The following SLC36A1 variants were observed in gnomAD, a reference collection of about 807,000 sequenced individuals.
The protein encoded by SLC36A1 is solute carrier family 36 member 1.
Under a neutral mutation model 47.5 loss-of-function variants are expected in SLC36A1, and 30 were observed. That is an observed-to-expected ratio of 0.63 (90% confidence interval 0.47 to 0.86). The LOEUF is 0.86. SLC36A1 is among the 40% of genes least tolerant of loss of function. The probability of loss-of-function intolerance (pLI) is 0.00; values close to 1 mark genes in which losing one functional copy is unlikely to be tolerated. For synonymous variants in SLC36A1, 255 were observed against 249.7 expected, an observed-to-expected ratio of 1.02 and a Z score of -0.20; for missense variants, 517 against 606.0, an observed-to-expected ratio of 0.85 and a Z score of 1.54.
the SLC36A1 span, chr5:151,521,655 G>A: frequency 1.2e-6 from 2 of 1,614,090 alleles, no homozygotes; most frequent in South Asian, 1.1e-5. Flanking sequence ...TCCGCCAGTG[G>A]TCACTCACCA....
chr5:151,537,669 C>T, the SLC36A1 span: 1 of 925,982 alleles, frequency 1.1e-6, no homozygotes, highest in Non-Finnish European at 1.6e-6. Context: ...CACATAGGGC[C>T]AATATATGTT....
chr5:151,433,266 A>ATTTTT (rs869250950), upstream of SLC36A1, among the ~76,000 whole-genome samples: 2 of 9,404 alleles, frequency 2.1e-4, 1 homozygote, highest in Non-Finnish European at 4.0e-4. Flanking sequence ...ATATATATAT[A>ATTTTT]TTTTTTTTTT....
chr5:151,482,854 A>C (rs1758990518), intron 10 of SLC36A1, among the ~76,000 whole-genome samples: 1 of 152,198 alleles, frequency 6.6e-6, no homozygotes, highest in South Asian at 2.1e-4. Flanking sequence ...TAACATGGTG[A>C]AACCCCGTCT....
At chr5:151,520,696 A>G in the SLC36A1 span, among the ~76,000 whole-genome samples, 11 of 152,224 alleles carry the variant, frequency 7.2e-5, no homozygotes, top group Non-Finnish European at 1.5e-5. Flanking sequence ...TAAAAAGCTC[A>G]GAGGGTTTTA....
At chr5:151,508,807 G>A in the SLC36A1 span, among the ~76,000 whole-genome samples, 1,574 of 152,158 alleles carry the variant, frequency 0.01, 28 homozygotes, top group African/African-American at 0.036. Flanking sequence ...GCTGTAAAAT[G>A]AGTGGGTGAA....
the SLC36A1 span, among the ~76,000 whole-genome samples, chr5:151,508,243 C>T: frequency 1.3e-5 from 2 of 152,168 alleles, no homozygotes; most frequent in African/African-American, 2.4e-5. Context: ...TCTCAGTGCC[C>T]GAAATGTCAC....
chr5:151,525,716 A>C, the SLC36A1 span: 43,987 of 1,600,866 alleles, frequency 0.027, 789 homozygotes, highest in Non-Finnish European at 0.032. Flanking sequence ...GGCTTTTGCC[A>C]GCATCTTTAC....
the SLC36A1 span, among the ~76,000 whole-genome samples, chr5:151,422,742 A>AATG: frequency 6.6e-6 from 1 of 152,014 alleles, no homozygotes; most frequent in Non-Finnish European, 1.5e-5. Flanking sequence ...TAATAATAAT[A>AATG]ATAGCCTGGC....
the SLC36A1 span, among the ~76,000 whole-genome samples, chr5:151,404,133 T>C: frequency 6.6e-6 from 1 of 152,222 alleles, no homozygotes; most frequent in African/African-American, 2.4e-5. Flanking sequence ...TAGTAAGTCT[T>C]CTTTTTGAAT....
At chr5:151,530,655 A>T in the SLC36A1 span, among the ~76,000 whole-genome samples, 1 of 152,228 alleles carries the variant, frequency 6.6e-6, no homozygotes, top group Non-Finnish European at 1.5e-5. Context: ...TGGCCTGGTG[A>T]TATTAAGAAA....
the SLC36A1 span, among the ~76,000 whole-genome samples, chr5:151,519,603 G>A: frequency 6.6e-6 from 1 of 152,146 alleles, no homozygotes; most frequent in Admixed American, 6.5e-5. Context: ...AACTGGAAGG[G>A]GGGCCCAAGG....
the SLC36A1 span, among the ~76,000 whole-genome samples, chr5:151,530,265 A>G: frequency 5.3e-5 from 8 of 150,282 alleles, no homozygotes; most frequent in South Asian, 1.7e-3. Context: ...AAAAAAAAAA[A>G]GCCAGTTAGC....
the SLC36A1 span, among the ~76,000 whole-genome samples, chr5:151,360,888 A>G: frequency 2.0e-5 from 3 of 152,068 alleles, no homozygotes; most frequent in Non-Finnish European, 2.9e-5. Flanking sequence ...CATGGTGTCT[A>G]TTTGCTCTTG....
At chr5:151,400,690 G>T in the SLC36A1 span, among the ~76,000 whole-genome samples, 1 of 148,598 alleles carries the variant, frequency 6.7e-6, no homozygotes, top group South Asian at 2.1e-4. Context: ...GTTTTGTTTT[G>T]TTTTTTTACT....
the SLC36A1 span, among the ~76,000 whole-genome samples, chr5:151,365,428 G>A: frequency 6.6e-6 from 1 of 152,120 alleles, no homozygotes; most frequent in Non-Finnish European, 1.5e-5. Context: ...GCCAGTTCAG[G>A]GGGCAACAGA....
rs892547625 is a variant in SLC36A1 at position 151,489,355 on chromosome 5, G to C, written c.*1101G>C. 1 of 152,660 alleles carries C rather than the reference G, an allele frequency of 6.6e-6. No homozygotes were observed. Among genetic ancestry groups the C allele is most frequent in the South Asian group, 2.1e-4 (1 of 4,832 alleles). The allele number at this position is 152,660 out of a possible 1,614,324, so 9.5% of individuals were successfully genotyped here. On this transcript the variant is annotated 3_prime_UTR_variant, in exon 11 of 11. Coordinates refer to ENST00000243389, the MANE Select transcript of SLC36A1 (RefSeq NM_078483.4). The surrounding 1 kb of genome is among the most constrained non-coding windows in gnomAD (Gnocchi z 4.5). ...GGATCAGCAATGCTCTGTTGCCATC[G>C]TGCTGGGACGACACCAGCTCTATTG... is the stretch of plus-strand genomic sequence containing the variant.
chr5:151,364,301 A>G, the SLC36A1 span, among the ~76,000 whole-genome samples: 1 of 152,220 alleles, frequency 6.6e-6, no homozygotes, highest in African/African-American at 2.4e-5. Flanking sequence ...AAATTCCAAT[A>G]TATTTATTTT....
chr5:151,545,729 A>G, the SLC36A1 span: 2 of 1,613,972 alleles, frequency 1.2e-6, no homozygotes, highest in Non-Finnish European at 1.7e-6. Flanking sequence ...TTATAGACCA[A>G]CAAGGAATTA....
chr5:151,487,042 G>A (rs982001457), intron 10 of SLC36A1, among the ~76,000 whole-genome samples: 1 of 152,132 alleles, frequency 6.6e-6, no homozygotes, highest in Admixed American at 6.5e-5. Flanking sequence ...GGAATAGAAA[G>A]GTACCATACC....
Sources: allele counts gnomAD v4.1 joint callset (sites outside exome capture counted in the v4.1 genomes callset), GRCh38; gene constraint gnomAD v4.1.1; non-coding constraint Gnocchi (gnomAD v3.1); transcripts MANE v1.5; gene names NCBI Gene and HGNC (gene_info 2026-07-23, HGNC 2026-07-21).